The following LRP1B variants were observed in gnomAD, a reference collection of about 807,000 sequenced individuals.
The protein encoded by LRP1B is low-density lipoprotein receptor-related protein 1B.
A neutral mutation model predicts 556.6 loss-of-function variants in LRP1B; 217 were observed. The ratio of observed to expected loss-of-function variants is 0.39; its 90% CI spans 0.35 to 0.44. The LOEUF (loss-of-function observed/expected upper bound fraction) is 0.44. Ranked by LOEUF, LRP1B falls within the 20% of genes least tolerant of loss-of-function variation. LRP1B has a pLI of 1.00. For synonymous variants in LRP1B, 2,047 were observed against 1,865.8 expected (o/e 1.10, Z -2.50); for missense variants, 5,053 against 5,620.8 (o/e 0.90, Z 3.23).
rs181716735 is a variant in LRP1B at position 141,002,395 on chromosome 2, T to C, written c.2503+2940A>G. 4.3e-3 allele frequency among the ~76,000 whole-genome samples: 647 copies of C among 152,152 alleles called. 4 individuals carry two copies. The highest frequency in any genetic ancestry group is 0.014 in the African/African-American group (601 of 41,540). Reference sequence around the variant, plus strand: ...ACATAAAAAAGTACAGGAGGCATATTTGGAGCTCAGCAATATATACAGTCA... The same window carrying C: ...ACATAAAAAAGTACAGGAGGCATATCTGGAGCTCAGCAATATATACAGTCA... On this transcript the variant is annotated intron_variant, in intron 15 of 90. Transcript: ENST00000389484.
intron 2 of LRP1B, among the ~76,000 whole-genome samples, chr2:141,757,102 C>T (rs1156413330): frequency 1.3e-5 from 2 of 152,014 alleles, no homozygotes; most frequent in Non-Finnish European, 2.9e-5. Context: ...TTTATAAATA[C>T]AAACCTGTAA....
chr2:140,410,557 AC>A (rs1005807425), intron 66 of LRP1B, among the ~76,000 whole-genome samples: 41 of 152,258 alleles, frequency 2.7e-4, no homozygotes, highest in African/African-American at 9.6e-4. Flanking sequence ...GTCCAAAAAA[AC>A]ACTATGCTTG....
intron 1 of LRP1B, among the ~76,000 whole-genome samples, chr2:142,067,614 T>C (rs1705153171): frequency 6.6e-6 from 1 of 151,632 alleles, no homozygotes; most frequent in Non-Finnish European, 1.5e-5. Flanking sequence ...AGTTTTTTCT[T>C]ATTGAGATTT....
intron 1 of LRP1B, among the ~76,000 whole-genome samples, chr2:142,006,711 C>A (rs958436470): frequency 4.6e-5 from 7 of 151,330 alleles, no homozygotes; most frequent in Non-Finnish European, 1.0e-4. Context: ...TAGAGGGCTA[C>A]TTTTTTTTTC....
chr2:142,049,571 T>A (rs1704375347), intron 1 of LRP1B, among the ~76,000 whole-genome samples: 1 of 152,134 alleles, frequency 6.6e-6, no homozygotes, highest in Admixed American at 6.6e-5. Flanking sequence ...TGGCTATGTC[T>A]GTGGTAGCCC....
chr2:141,944,643 C>T (rs554741408), intron 1 of LRP1B, among the ~76,000 whole-genome samples: 6 of 152,004 alleles, frequency 3.9e-5, no homozygotes, highest in Non-Finnish European at 8.8e-5. Flanking sequence ...ATATATATAT[C>T]CAAAGATATA....
chr2:140,795,024 A>G (rs1183549194), intron 32 of LRP1B, among the ~76,000 whole-genome samples: 1 of 152,242 alleles, frequency 6.6e-6, no homozygotes, highest in African/African-American at 2.4e-5. Flanking sequence ...ATTAAAGACA[A>G]TACTAGAGAT....
chr2:141,041,881 A>G (rs1445446294), intron 11 of LRP1B, among the ~76,000 whole-genome samples: 1 of 152,096 alleles, frequency 6.6e-6, no homozygotes, highest in East Asian at 1.9e-4. Context: ...ATGTGTCAAC[A>G]AATTTTTTTT....
chr2:141,484,539 T>C (rs1240816911), intron 2 of LRP1B, among the ~76,000 whole-genome samples: 3 of 152,182 alleles, frequency 2.0e-5, no homozygotes, highest in African/African-American at 4.8e-5. Flanking sequence ...ATTGAATCTA[T>C]AAATTACCTT....
At position 140,516,899 on chromosome 2, in the gene LRP1B, T is replaced by C. The variant is rs1350789769; in HGVS notation, c.8139A>G (p.Glu2713=). 1.2e-6 allele frequency: 2 copies of C among 1,613,386 alleles called. No individual in the cohort carries two copies. The highest frequency in any genetic ancestry group is 1.7e-6 in the Non-Finnish European group (2 of 1,179,664). The change falls in exon 50 of 91, where the codon GAA becomes GAG. Residue 2713 remains glutamate (E), a synonymous_variant. Coordinates refer to ENST00000389484, the MANE Select transcript of LRP1B (RefSeq NM_018557.3). The part of the protein sequence containing the change: ...GQKDCEDGRD[E]FHCDSSCSWN... ...AATACAATGTCTCACCACAGTGGAA[T>C]TCATCACGTCCATCCTCACAATCTT...
intron 41 of LRP1B, among the ~76,000 whole-genome samples, chr2:140,613,681 A>T (rs1345081290): frequency 6.6e-6 from 1 of 151,856 alleles, no homozygotes; most frequent in Non-Finnish European, 1.5e-5. Flanking sequence ...TTCTCTGCCC[A>T]CATTAAAAGA....
chr2:141,229,994 C>T (rs1683398500), intron 5 of LRP1B, among the ~76,000 whole-genome samples: 1 of 152,126 alleles, frequency 6.6e-6, no homozygotes, highest in East Asian at 1.9e-4. Context: ...TGAGCCAGTT[C>T]CTTCCACATC....
intron 1 of LRP1B, among the ~76,000 whole-genome samples, chr2:142,002,523 A>T (rs1399549024): frequency 6.6e-6 from 1 of 151,168 alleles, no homozygotes; most frequent in Non-Finnish European, 1.5e-5. Context: ...ATCAATTTAA[A>T]ATCTATCTAG....
chr2:141,957,874 C>T (rs1701301232), intron 1 of LRP1B, among the ~76,000 whole-genome samples: 1 of 152,002 alleles, frequency 6.6e-6, no homozygotes, highest in Non-Finnish European at 1.5e-5. Context: ...GATTATCACT[C>T]TTGTTTTAAC....
intron 1 of LRP1B, among the ~76,000 whole-genome samples, chr2:141,865,591 C>CAAAAAAAAAAAAA (rs78227528): frequency 2.1e-4 from 9 of 42,402 alleles, no homozygotes; most frequent in South Asian, 7.3e-4. Flanking sequence ...GACTCCGTCT[C>CAAAAAAAAAAAAA]AAAAAAAAAA....
At chr2:140,517,709 C>T (rs1286365375) in intron 49 of LRP1B, among the ~76,000 whole-genome samples, 10 of 125,432 alleles carry the variant, frequency 8.0e-5, no homozygotes, top group South Asian at 2.4e-4. Flanking sequence ...TTTATCTTTC[C>T]TTTTTTTTTT....
chr2:140,752,368 G>C (rs1354028620), intron 35 of LRP1B, among the ~76,000 whole-genome samples: 4 of 34,238 alleles, frequency 1.2e-4, no homozygotes, highest in Non-Finnish European at 5.8e-4. Context: ...CTGTCGCCCA[G>C]GTTTGGAGTG....
intron 18 of LRP1B, among the ~76,000 whole-genome samples, chr2:140,968,379 C>T (rs571293670): frequency 4.0e-5 from 6 of 151,850 alleles, no homozygotes; most frequent in East Asian, 1.9e-4. Flanking sequence ...TGGTGATATC[C>T]GTTTTATCAT....
At chr2:141,052,751 C>T (rs1248718086) in intron 10 of LRP1B, among the ~76,000 whole-genome samples, 1 of 152,024 alleles carries the variant, frequency 6.6e-6, no homozygotes, top group Non-Finnish European at 1.5e-5. Context: ...TATCCTCCTA[C>T]TTCAGCCTCC....
Sources: gnomAD v4.1 joint callset for allele counts (sites outside exome capture counted in the v4.1 genomes callset) on GRCh38, gnomAD v4.1.1 for gene constraint, MANE v1.5 for transcripts, NCBI Gene and HGNC (gene_info 2026-07-23, HGNC 2026-07-21) for gene names.